KCNK10: variants seen among roughly 807,000 people sequenced by gnomAD.
KCNK10 encodes the protein potassium channel subfamily K member 10.
KCNK10 carries 25 observed loss-of-function variants against 47.7 expected under a neutral mutation model. The observed-to-expected ratio is 0.52, with a 90% confidence interval of 0.38 to 0.73. The LOEUF (loss-of-function observed/expected upper bound fraction) is 0.73, where lower values mean the gene tolerates loss of function less well. KCNK10 is among the 30% of genes least tolerant of loss of function. KCNK10 has a pLI of 0.00. For synonymous variants in KCNK10, 303 were observed against 285.6 expected (o/e 1.06, Z -0.61); for missense variants, 563 against 714.5 (o/e 0.79, Z 2.42).
At chr14:88,193,811 GC>G (rs1884825763) in intron 4 of KCNK10, among the ~76,000 whole-genome samples, 1 of 152,192 alleles carries the variant, frequency 6.6e-6, no homozygotes, top group Admixed American at 6.5e-5. Context: ...AACGGAAACA[GC>G]TTTTCAAGTA....
intron 4 of KCNK10, among the ~76,000 whole-genome samples, chr14:88,203,027 T>C (rs759668957): frequency 6.6e-6 from 1 of 152,068 alleles, no homozygotes; most frequent in Non-Finnish European, 1.5e-5. Context: ...GGAGCTTCCA[T>C]GGGAGGTGGG....
chr14:88,265,295 G>A (rs1566708234), intron 1 of KCNK10, among the ~76,000 whole-genome samples: 1 of 152,122 alleles, frequency 6.6e-6, no homozygotes, highest in Non-Finnish European at 1.5e-5. Context: ...TATATGGTTG[G>A]GCTCAATATA....
intron 2 of KCNK10, among the ~76,000 whole-genome samples, chr14:88,259,071 A>C (rs906380383): frequency 6.6e-6 from 1 of 152,162 alleles, no homozygotes; most frequent in African/African-American, 2.4e-5. Context: ...TATCTTTCCA[A>C]CTTAAAACAC....
chr14:88,237,974 A>G (rs1566697453), intron 3 of KCNK10, among the ~76,000 whole-genome samples: 1 of 152,216 alleles, frequency 6.6e-6, no homozygotes, highest in Admixed American at 6.5e-5. Flanking sequence ...CCTAGATGGC[A>G]TCTTGTAATA....
rs148340521 is a variant in KCNK10, at chr14:88,207,051, C to T, written c.682-14641G>A. On this transcript the variant is annotated intron_variant, in intron 4 of 6. Transcript: ENST00000319231. The stretch of plus-strand genomic sequence containing the variant: ...ATTGGCAATAAGCATTAGCAGGGAG[C>T]AGCTCCCTACAGACCCATCTTTTAT... 6.4e-3 allele frequency among the ~76,000 whole-genome samples: 979 copies of T among 152,208 alleles called. 33 individuals are homozygous for T. The highest frequency in any genetic ancestry group is 0.044 in the Admixed American group (676 of 15,290).
At chr14:88,243,557 C>T (rs113610497) in intron 2 of KCNK10, among the ~76,000 whole-genome samples, 128 of 152,294 alleles carry the variant, frequency 8.4e-4, no homozygotes, top group Non-Finnish European at 1.0e-3. Context: ...AGAGACCTCA[C>T]GAGAGATCAT....
intron 4 of KCNK10, among the ~76,000 whole-genome samples, chr14:88,201,728 G>A (rs1236141437): frequency 6.6e-6 from 1 of 152,092 alleles, no homozygotes; most frequent in Non-Finnish European, 1.5e-5. Flanking sequence ...CATAATAAAT[G>A]TCCTGGCTTT....
chr14:88,227,155 G>A (rs1314220012), intron 4 of KCNK10, among the ~76,000 whole-genome samples: 2 of 152,180 alleles, frequency 1.3e-5, no homozygotes, highest in Non-Finnish European at 2.9e-5. Flanking sequence ...CTCTTGTGTT[G>A]TGATTGCAGA....
intron 2 of KCNK10, among the ~76,000 whole-genome samples, chr14:88,262,329 G>A (rs181941571): frequency 1.7e-4 from 26 of 152,258 alleles, no homozygotes; most frequent in Admixed American, 9.8e-4. Context: ...CCTCCTTCAC[G>A]TCCAAGGTGA....
At chr14:88,287,817 GT>G (rs1485449041) in intron 1 of KCNK10, among the ~76,000 whole-genome samples, 2 of 152,174 alleles carry the variant, frequency 1.3e-5, no homozygotes, top group East Asian at 3.9e-4. Context: ...AAACATGCAT[GT>G]ATGAGTATCT....
At chr14:88,203,633 T>G (rs1025116311) in intron 4 of KCNK10, among the ~76,000 whole-genome samples, 2 of 152,172 alleles carry the variant, frequency 1.3e-5, no homozygotes, top group South Asian at 2.1e-4. Context: ...TTGGAAGGTG[T>G]TGTATCTATT....
intron 3 of KCNK10, among the ~76,000 whole-genome samples, chr14:88,234,603 A>C (rs566265794): frequency 2.0e-5 from 3 of 152,224 alleles, no homozygotes; most frequent in Non-Finnish European, 4.4e-5. Context: ...GCAATAAGGC[A>C]GGGAGTTCCT....
At chr14:88,211,757 G>A (rs910106645) in intron 4 of KCNK10, among the ~76,000 whole-genome samples, 3 of 151,952 alleles carry the variant, frequency 2.0e-5, no homozygotes, top group Non-Finnish European at 4.4e-5. Context: ...TTAGCCAGGC[G>A]CAGTGGCAGG....
chr14:88,251,171 T>C (rs1409681235), intron 2 of KCNK10, among the ~76,000 whole-genome samples: 3 of 138,102 alleles, frequency 2.2e-5, no homozygotes, highest in Non-Finnish European at 4.5e-5. Flanking sequence ...AGGTGGAGGT[T>C]GCAGTGAGCT....
chr14:88,264,317 C>T lies in KCNK10; in HGVS notation c.53-766G>A, dbSNP rs909879980. 1.6e-4 allele frequency among the ~76,000 whole-genome samples: 24 copies of T among 152,346 alleles called. 1 individual carries two copies. The highest frequency in any genetic ancestry group is 6.8e-3 in the Middle Eastern group (2 of 294). Reference sequence around the variant, plus strand: ...GATGGCAGGAAGTTTGGGGTTATGACGCACACGCAATGCTATCATGCATCA... The same window carrying T: ...GATGGCAGGAAGTTTGGGGTTATGATGCACACGCAATGCTATCATGCATCA... On this transcript the variant is annotated intron_variant, in intron 1 of 6. Coordinates refer to ENST00000319231, the MANE Select transcript of KCNK10 (RefSeq NM_138317.3).
At chr14:88,273,256 C>T (rs1045841228) in intron 1 of KCNK10, among the ~76,000 whole-genome samples, 2 of 152,136 alleles carry the variant, frequency 1.3e-5, no homozygotes, top group African/African-American at 4.8e-5. Context: ...AAGGGGAGAA[C>T]TGGGCTGGGC....
chr14:88,190,967 C>A (rs1276510505), intron 5 of KCNK10, among the ~76,000 whole-genome samples: 1 of 152,152 alleles, frequency 6.6e-6, no homozygotes, highest in Non-Finnish European at 1.5e-5. Context: ...AACAGTCTGG[C>A]CAGGTGCAGT....
chr14:88,243,096 A>G (rs1395133758), intron 2 of KCNK10, among the ~76,000 whole-genome samples: 1 of 152,212 alleles, frequency 6.6e-6, no homozygotes, highest in Admixed American at 6.5e-5. Context: ...AATCCTTTTC[A>G]AGTTTCATTT....
intron 1 of KCNK10, among the ~76,000 whole-genome samples, chr14:88,320,371 T>C (rs556547095): frequency 6.6e-6 from 1 of 152,316 alleles, no homozygotes; most frequent in African/African-American, 2.4e-5. Context: ...TCTGTGTTCA[T>C]CACTGTAACA....
Sources: allele counts gnomAD v4.1 joint callset (sites outside exome capture counted in the v4.1 genomes callset), GRCh38; gene constraint gnomAD v4.1.1; transcripts MANE v1.5; gene names NCBI Gene and HGNC (gene_info 2026-07-23, HGNC 2026-07-21).